Variants in SMPD4 observed in about 807,000 individuals in gnomAD.
SMPD4 encodes the protein sphingomyelin phosphodiesterase 4.
In SMPD4, 58 loss-of-function variants were observed where a neutral mutation model predicts 97.8. The observed-to-expected ratio is 0.59, with a 90% CI of 0.48 to 0.74. The LOEUF is 0.74. Ranked by LOEUF, SMPD4 falls within the 30% of genes least tolerant of loss-of-function variation. SMPD4 has a pLI of 0.00. For missense variants in SMPD4, 853 were observed against 1,080.5 expected (o/e 0.79, Z 2.95); for synonymous variants, 388 against 450.0 (o/e 0.86, Z 1.74).
Position 130,152,714 on chromosome 2 carries a change from G to A in SMPD4, c.2325C>T (p.Gly775=), listed in dbSNP as rs529527017. Residue 775 remains glycine, a synonymous_variant, in exon 20 of 20, where the codon GGC becomes GGT. Transcript: ENST00000680298. The part of the protein sequence containing the change: ...RGPRLSLRFL[G]SYRTLVSLLL... The stretch of plus-strand genomic sequence containing the variant: ...GCAGCGAGACCAGCGTCCGGTAACT[G>A]CCCAGGAAGCGCAGGCTGAGCCTGG... 187 of 1,582,036 alleles carry A rather than the reference G, an allele frequency of 1.2e-4. No individual in the cohort carries two copies. Among genetic ancestry groups the A allele is most frequent in the Non-Finnish European group, 1.6e-4 (182 of 1,165,384 alleles).
In SMPD4 at chr2:130,154,409, G is replaced by A. The variant is rs1385336880; in HGVS notation, c.1527C>T (p.Phe509=). The A allele has an allele frequency of 1.3e-6, 2 of 1,597,916 alleles. No homozygotes were observed. The highest frequency in any genetic ancestry group is 1.7e-5 in the Admixed American group (1 of 58,420). The part of the protein sequence containing the change: ...RQHRLFTAPT[F]TGSFLSPWPP... ...GCCAGGGTGACAGGAAGCTCCCAGT[G>A]AATGTGGGGGCCGTGAAGAGTCGGT... Residue 509 remains phenylalanine, a synonymous_variant, in exon 16 of 20, where the codon TTC becomes TTT. Transcript: ENST00000680298.
At chr2:130,173,460 G>A in intron 4 of SMPD4, 54 bp downstream of exon 4, 5 of 1,588,076 alleles carry the variant, frequency 3.1e-6, no homozygotes, top group African/African-American at 2.7e-5. Context: ...TGCTTTAAAG[G>A]TGGAATCACC....
chr2:130,155,918 CACGG>C lies in SMPD4; in HGVS notation c.1289+113_1289+116del, dbSNP rs113864180. On this transcript the variant is annotated intron_variant, in intron 14 of 19. Coordinates refer to ENST00000680298, the MANE Select transcript of SMPD4 (RefSeq NM_017951.5). ...GGGCTGGGAGAGGACTTCAGGAGGC[CACGG>C]GGGCCAGGGCCAGGCTGACCCCAGC... 1.6e-3 allele frequency: 1,637 copies of C among 1,005,562 alleles called. 12 individuals are homozygous for C. In the African/African-American group the frequency reaches 0.022, roughly 14 times the overall value. The allele number at this position is 1,005,562 out of a possible 1,614,324, so 62.3% of individuals were successfully genotyped here.
chr2:130,178,778 G>C lies in SMPD4; in HGVS notation c.-45-2141C>G, dbSNP rs536293882. 2.0e-5 allele frequency among the ~76,000 whole-genome samples: 3 copies of C among 148,630 alleles called. No individual in the cohort carries two copies. In the South Asian group the frequency reaches 6.4e-4, roughly 32 times the overall value. ...CCATTGCACTCTAGCCGGGGTGATAGAGGGAAACTCTCAAAAAATGGAAAA... is the reference window on the plus strand; with the variant it reads ...CCATTGCACTCTAGCCGGGGTGATACAGGGAAACTCTCAAAAAATGGAAAA... On this transcript the variant is annotated intron_variant, in intron 1 of 19. Coordinates refer to ENST00000680298, the MANE Select transcript of SMPD4 (RefSeq NM_017951.5).
Position 130,161,193 on chromosome 2 carries a change from G to T in SMPD4, c.944C>A (p.Ala315Asp). 3.1e-6 allele frequency: 5 copies of T among 1,613,156 alleles called. No individual in the cohort carries two copies. The highest frequency in any genetic ancestry group is 4.2e-6 in the Non-Finnish European group (5 of 1,179,704). The change falls in exon 11 of 20, where the codon GCC becomes GAC. Residue 315 changes from alanine to aspartate, a missense_variant. By Grantham distance (126) the Ala-to-Asp change is moderately radical. This residue lies in a region of SMPD4 where 313 missense variants were observed against 402.2 expected (regional missense o/e 0.78). Transcript: ENST00000680298. ...PAQPSLQALH[A>D]YQESFTPTEE... Reference sequence around the variant, plus strand: ...GAACGAATGAGCCAGTACTTGGTAGGCGTGGAGGGCCTGGAGGCTGGGTTG... The same window carrying T: ...GAACGAATGAGCCAGTACTTGGTAGTCGTGGAGGGCCTGGAGGCTGGGTTG...
chr2:130,171,463 A>C (rs1351222986), intron 8 of SMPD4, among the ~76,000 whole-genome samples: 1 of 152,194 alleles, frequency 6.6e-6, no homozygotes, highest in Non-Finnish European at 1.5e-5. Context: ...ACAAGCAAAA[A>C]AACCAGGCAT....
At chr2:130,161,293 A>G in intron 10 of SMPD4, 21 bp from the exon 11 acceptor site, 1 of 1,611,274 alleles carries the variant, frequency 6.2e-7, no homozygotes, top group Non-Finnish European at 8.5e-7. Flanking sequence ...AAACAGAGAG[A>G]TGCCGGAAGA....
At chr2:130,170,037 CA>C (rs75700996) in intron 8 of SMPD4, among the ~76,000 whole-genome samples, 227 of 106,508 alleles carry the variant, frequency 2.1e-3, no homozygotes, top group Admixed American at 2.5e-3. Context: ...CATATCTCCG[CA>C]AAAAAAAAAA....
chr2:130,179,624 T>C (rs1689305505), intron 1 of SMPD4, among the ~76,000 whole-genome samples: 1 of 151,650 alleles, frequency 6.6e-6, no homozygotes, highest in Non-Finnish European at 1.5e-5. Context: ...TGGCCTCAAG[T>C]GATCCGCTGC....
chr2:130,181,323 G>A (rs759244530), intron 1 of SMPD4: 3 of 1,425,496 alleles, frequency 2.1e-6, no homozygotes, highest in South Asian at 1.5e-5. Context: ...TACGAGCCGC[G>A]CGGGAAGGTG....
chr2:130,158,900 T>C (rs1258026926), intron 11 of SMPD4, among the ~76,000 whole-genome samples: 2 of 152,166 alleles, frequency 1.3e-5, no homozygotes, highest in South Asian at 2.1e-4. Context: ...CCCATATCGC[T>C]ACCCACTCAA....
rs538050921 is a variant in SMPD4 at position 130,156,149 on chromosome 2, G to A, written c.1189-14C>T. On this transcript the variant is annotated splice_polypyrimidine_tract_variant and intron_variant, in intron 13 of 19. Transcript: ENST00000680298. The stretch of plus-strand genomic sequence containing the variant: ...CATCTCCAGGACCTGTGGGGGAGGT[G>A]TGTGCTAAGGGCTCCGTGGCTGGGG... 851 of 1,595,530 alleles carry A rather than the reference G, an allele frequency of 5.3e-4. 3 individuals are homozygous for A. The Middle Eastern group carries it at 7.1e-3, about 13-fold the overall frequency.
rs185280937 is a variant in SMPD4 at position 130,153,351 on chromosome 2, C to T, written c.1993G>A (p.Gly665Arg). ...CGCCCCAGGGGCGTAAGGATGAGTC[C>T]GTCCTCACCCACGATGCAGTCGGGG... ...QLPDCIVGED[G>R]LILTPLGRYQ... Residue 665 changes from glycine to arginine, a missense_variant, in exon 18 of 20, where the codon GGA (glycine) becomes AGA (arginine). Around this residue, in one of 3 missense-constraint regions of SMPD4, gnomAD observed 511 missense variants for 608.1 expected, o/e 0.84. Transcript: ENST00000680298. The T allele has an allele frequency of 1.7e-5, 27 of 1,613,834 alleles. No homozygotes were observed. The East Asian group carries it at 2.9e-4, about 17-fold the overall frequency.
intron 2 of SMPD4, among the ~76,000 whole-genome samples, chr2:130,176,234 T>C (rs187740181): frequency 1.2e-4 from 18 of 152,336 alleles, no homozygotes; most frequent in African/African-American, 2.2e-4. Context: ...TTCATATCTA[T>C]TTAAGAATTT....
chr2:130,176,107 G>A (rs1174324812), intron 2 of SMPD4, among the ~76,000 whole-genome samples: 2 of 152,046 alleles, frequency 1.3e-5, no homozygotes, highest in Non-Finnish European at 2.9e-5. Flanking sequence ...CCAGGCATGA[G>A]CCACTGCACC....
Position 130,155,341 on chromosome 2 carries a change from T to C in SMPD4, c.1290-82A>G, listed in dbSNP as rs200856564. On this transcript the variant is annotated intron_variant, in intron 14 of 19. Transcript: ENST00000680298. ...TGCCCGGTCCGTGCCCCTAATGCCC[T>C]TGCTCACCCTTGGGCTTTCAGACTC... 17 of 1,544,258 alleles carry C rather than the reference T, an allele frequency of 1.1e-5. No homozygotes were observed. The East Asian group carries it at 3.9e-4, about 35-fold the overall frequency.
At chr2:130,163,893 C>T (rs1044843304) in intron 10 of SMPD4, among the ~76,000 whole-genome samples, 20 of 152,192 alleles carry the variant, frequency 1.3e-4, no homozygotes, top group Non-Finnish European at 2.8e-4. Context: ...AGGTGCCACT[C>T]GCCACGAGAA....
intron 15 of SMPD4, chr2:130,154,717 G>A: frequency 1.7e-6 from 1 of 594,226 alleles, no homozygotes; most frequent in Non-Finnish European, 3.0e-6. Context: ...GTAAACAACA[G>A]GAGGATCGAC....
At chr2:130,168,748 G>A (rs1688169663) in intron 8 of SMPD4, among the ~76,000 whole-genome samples, 1 of 149,394 alleles carries the variant, frequency 6.7e-6, no homozygotes, top group Non-Finnish European at 1.5e-5. Flanking sequence ...TTGAGATACG[G>A]TCTCACTCTG....
Sources: gnomAD v4.1 joint callset for allele counts (sites outside exome capture counted in the v4.1 genomes callset) on GRCh38, gnomAD v4.1.1 for gene constraint, gnomAD v4.1.1 regional missense constraint, MANE v1.5 for transcripts, NCBI Gene and HGNC (gene_info 2026-07-23, HGNC 2026-07-21) for gene names.